METAP1D: variants seen among roughly 807,000 people sequenced by gnomAD.
METAP1D encodes the protein methionyl aminopeptidase type 1D, mitochondrial.
A neutral mutation model predicts 40.5 loss-of-function variants in METAP1D; 31 were observed. That is an observed-to-expected ratio of 0.77 (90% CI 0.58 to 1.03). METAP1D has a LOEUF of 1.03. Ranked by LOEUF, METAP1D falls within the 50% of genes least tolerant of loss-of-function variation. The pLI, the probability that METAP1D is intolerant of heterozygous loss-of-function variation, is 0.00. For synonymous variants in METAP1D, 151 were observed against 146.4 expected (o/e 1.03, Z -0.22); for missense variants, 411 against 420.7 (o/e 0.98, Z 0.20).
chr2:172,016,300 AATATATATAT>A (rs1188835723), intron 1 of METAP1D, among the ~76,000 whole-genome samples: 170 of 40,046 alleles, frequency 4.2e-3, no homozygotes, highest in Non-Finnish European at 5.2e-3. Context: ...AAAAAAAAAA[AATATATATAT>A]ATATATATAT....
intron 1 of METAP1D, among the ~76,000 whole-genome samples, chr2:172,005,686 C>T (rs955853589): frequency 4.6e-5 from 7 of 150,868 alleles, no homozygotes; most frequent in East Asian, 1.9e-4. Flanking sequence ...TACAGGCACC[C>T]GCCACCATGC....
intron 1 of METAP1D, among the ~76,000 whole-genome samples, chr2:172,008,415 G>A (rs1688638658): frequency 6.6e-6 from 1 of 152,148 alleles, no homozygotes; most frequent in Non-Finnish European, 1.5e-5. Context: ...GTCCCAGCAA[G>A]GAAAGTTAAA....
chr2:172,009,417 C>T (rs1688660529), intron 1 of METAP1D, among the ~76,000 whole-genome samples: 1 of 152,158 alleles, frequency 6.6e-6, no homozygotes, highest in Non-Finnish European at 1.5e-5. Context: ...GAGGAGACTA[C>T]CGTAACAGGT....
In METAP1D at chr2:172,077,808, A is replaced by T; in HGVS notation, c.716A>T (p.His239Leu). 1 of 1,602,436 alleles carries T rather than the reference A, an allele frequency of 6.2e-7. No homozygotes were observed. Residue 239 changes from histidine (H) to leucine (L), a missense_variant, in exon 7 of 10, where the codon CAT (histidine) becomes CTT (leucine). His to Leu is a moderately conservative substitution (Grantham distance 99, BLOSUM62 -3). Transcript: ENST00000315796. ...VIGNTISHIT[H>L]QNGFQVCPHF... The stretch of plus-strand genomic sequence containing the variant: ...GGTCACTTTTAAAGCCACATAACTC[A>T]TCAGAATGGTTTTCAAGTCTGTCCA...
rs1453940934 is a variant in METAP1D at position 172,080,394 on chromosome 2, C to T, written c.996C>T (p.Pro332=). The T allele has an allele frequency of 6.2e-7, 1 of 1,613,986 alleles. No homozygotes were observed. The highest frequency in any genetic ancestry group is 2.2e-5 in the East Asian group (1 of 44,886). ...GCGCGCAGATCCTGACCAAACTACC[C>T]CATGAGGCCTGAGGAGCCGCCCGAA... ...SRGAQILTKL[P]HEA is the part of the protein sequence containing the mutation. Residue 332 remains proline (P), a synonymous_variant, in exon 10 of 10, where the codon CCC becomes CCT. Transcript: ENST00000315796.
chr2:172,068,738 C>T (rs1382145470), intron 5 of METAP1D, among the ~76,000 whole-genome samples: 2 of 151,968 alleles, frequency 1.3e-5, no homozygotes, highest in Non-Finnish European at 2.9e-5. Context: ...GTCTTGAACT[C>T]CTGACCTCAA....
At chr2:172,080,277 G>GCCCGGC in intron 9 of METAP1D, 51 bp from the exon 10 acceptor site, 2 of 1,614,000 alleles carry the variant, frequency 1.2e-6, no homozygotes, top group South Asian at 2.2e-5. Flanking sequence ...CGCGCTTGTG[G>GCCCGGC]CCCGGCCGGA....
At chr2:172,040,477 C>T (rs1445988383) in intron 1 of METAP1D, among the ~76,000 whole-genome samples, 1 of 152,080 alleles carries the variant, frequency 6.6e-6, no homozygotes, top group African/African-American at 2.4e-5. Flanking sequence ...GAAACTACAT[C>T]AGGAGAGCAT....
At chr2:172,065,802 G>A (rs1159333290) in intron 4 of METAP1D, 50 bp downstream of exon 4, 1 of 1,562,104 alleles carries the variant, frequency 6.4e-7, no homozygotes, top group African/African-American at 1.4e-5. Context: ...AAAACATGAA[G>A]CTAAGATCTG....
rs538845883 is a variant in METAP1D at position 172,060,688 on chromosome 2, C to A, written c.41-810C>A. On this transcript the variant is annotated intron_variant, in intron 1 of 9. Coordinates refer to ENST00000315796, the MANE Select transcript of METAP1D (RefSeq NM_199227.3). The stretch of plus-strand genomic sequence containing the variant: ...TTCTTTTTAATAGCTCCAGAATTTT[C>A]TGTAAGTATACCATAATATATTTAA... Among the ~76,000 whole-genome samples, 7 of 152,272 alleles carry A rather than the reference C, an allele frequency of 4.6e-5. No homozygotes were observed. The South Asian group carries it at 1.4e-3, about 32-fold the overall frequency.
intron 1 of METAP1D, among the ~76,000 whole-genome samples, chr2:172,046,048 A>T (rs5012761): frequency 0.99 from 141,270 of 142,078 alleles, 70,232 homozygotes; most frequent in East Asian, 1. Flanking sequence ...AATGCTTTTT[A>T]TTTTTTTTAA....
At chr2:172,078,718 G>T (rs554517384) in intron 7 of METAP1D, among the ~76,000 whole-genome samples, 2 of 152,188 alleles carry the variant, frequency 1.3e-5, no homozygotes, top group African/African-American at 4.8e-5. Context: ...GTGCAGAAAC[G>T]GCTTGTCAGC....
At chr2:172,012,519 G>A (rs1028521023) in intron 1 of METAP1D, among the ~76,000 whole-genome samples, 1 of 152,128 alleles carries the variant, frequency 6.6e-6, no homozygotes, top group African/African-American at 2.4e-5. Context: ...TCTGTCACTG[G>A]TCACTTTTAC....
chr2:172,069,963 A>G (rs1690384350), intron 5 of METAP1D, among the ~76,000 whole-genome samples: 1 of 152,196 alleles, frequency 6.6e-6, no homozygotes, highest in Non-Finnish European at 1.5e-5. Context: ...GCTCATATAA[A>G]CATCTTTTTT....
At chr2:172,059,168 G>A (rs1690071710) in intron 1 of METAP1D, among the ~76,000 whole-genome samples, 1 of 151,216 alleles carries the variant, frequency 6.6e-6, no homozygotes, top group African/African-American at 2.4e-5. Flanking sequence ...GAGTGCAGTG[G>A]CGCGATCTTG....
intron 1 of METAP1D, among the ~76,000 whole-genome samples, chr2:172,030,791 T>A (rs1386459225): frequency 6.6e-6 from 1 of 152,224 alleles, no homozygotes; most frequent in Non-Finnish European, 1.5e-5. Context: ...TCTCTAAATA[T>A]TTAGTTGTAT....
chr2:172,059,539 G>T (rs1690084408), intron 1 of METAP1D, among the ~76,000 whole-genome samples: 1 of 152,142 alleles, frequency 6.6e-6, no homozygotes, highest in African/African-American at 2.4e-5. Context: ...GCAAATGAGG[G>T]TAGCTATGGT....
At chr2:172,068,053 C>A (rs189628339) in intron 5 of METAP1D, among the ~76,000 whole-genome samples, 2 of 152,168 alleles carry the variant, frequency 1.3e-5, no homozygotes, top group African/African-American at 2.4e-5. Flanking sequence ...AAAGACAATG[C>A]GATGTCCATA....
At chr2:172,061,346 A>G in intron 1 of METAP1D, 152 bp from the exon 2 acceptor site, 1 of 599,018 alleles carries the variant, frequency 1.7e-6, no homozygotes, top group East Asian at 2.9e-5. Flanking sequence ...AGAATTCAGA[A>G]TACCACTGTT....
Sources: gnomAD v4.1 joint callset for allele counts (sites outside exome capture counted in the v4.1 genomes callset) on GRCh38, gnomAD v4.1.1 for gene constraint, MANE v1.5 for transcripts, NCBI Gene and HGNC (gene_info 2026-07-23, HGNC 2026-07-21) for gene names.